ARID2: variants seen among roughly 807,000 people sequenced by gnomAD.
ARID2 encodes AT-rich interaction domain 2.
ARID2 carries 32 observed loss-of-function variants against 184.6 expected under a neutral mutation model. The ratio of observed to expected loss-of-function variants is 0.17; its 90% CI spans 0.13 to 0.23. ARID2 has a LOEUF of 0.23. ARID2 is among the 10% of genes least tolerant of loss of function. The pLI, the probability that ARID2 is intolerant of heterozygous loss-of-function variation, is 1.00. For missense variants in ARID2, 1,696 were observed against 2,197.6 expected (o/e 0.77, Z 4.56); for synonymous variants, 836 against 772.6 (o/e 1.08, Z -1.36).
chr12:45,756,357 C>T (rs1052890428), intron 3 of ARID2, among the ~76,000 whole-genome samples: 1 of 152,126 alleles, frequency 6.6e-6, no homozygotes, highest in Non-Finnish European at 1.5e-5. Flanking sequence ...TATTAAAATT[C>T]TTCTGGAAGG....
chr12:45,763,356 G>T (rs903210838), intron 3 of ARID2, among the ~76,000 whole-genome samples: 26 of 152,032 alleles, frequency 1.7e-4, no homozygotes, highest in African/African-American at 6.3e-4. Flanking sequence ...TGTAATCCCA[G>T]CTACCGGGGA....
intron 3 of ARID2, among the ~76,000 whole-genome samples, chr12:45,801,402 A>G (rs896882194): frequency 1.3e-5 from 2 of 152,220 alleles, no homozygotes; most frequent in South Asian, 2.1e-4. Context: ...TAGCAGGTAC[A>G]AGGTTGAAAA....
chr12:45,793,857 AT>A (rs1359144131), intron 3 of ARID2, among the ~76,000 whole-genome samples: 1 of 151,304 alleles, frequency 6.6e-6, no homozygotes, highest in Non-Finnish European at 1.5e-5. Context: ...TTTTTAGGAA[AT>A]ATTTTTATTT....
intron 3 of ARID2, among the ~76,000 whole-genome samples, chr12:45,806,550 C>T (rs1942604914): frequency 6.6e-6 from 1 of 151,984 alleles, no homozygotes; most frequent in African/African-American, 2.4e-5. Context: ...CACTTATTTC[C>T]ATTAGTTTAT....
At chr12:45,867,869 G>A (rs1162127529) in intron 16 of ARID2, among the ~76,000 whole-genome samples, 1 of 151,570 alleles carries the variant, frequency 6.6e-6, no homozygotes, top group East Asian at 2.0e-4. Flanking sequence ...GGGATTACAG[G>A]CATGAGCCAC....
intron 16 of ARID2, among the ~76,000 whole-genome samples, chr12:45,870,064 C>G (rs932062228): frequency 3.3e-5 from 5 of 152,010 alleles, no homozygotes; most frequent in South Asian, 2.1e-4. Context: ...CGGCTCACTG[C>G]AAGCTCCGCC....
intron 12 of ARID2, among the ~76,000 whole-genome samples, chr12:45,847,333 G>A (rs759841131): frequency 1.3e-5 from 2 of 151,986 alleles, no homozygotes; most frequent in Non-Finnish European, 2.9e-5. Context: ...AAAAGCAGGT[G>A]TTTTAAAATG....
Position 45,861,176 on chromosome 12 carries a change from C to T in ARID2, c.4922+227C>T, listed in dbSNP as rs74519194. ...GCTTAATGGTACGTTGTAGAGAATA[C>T]GGTTCAATATTTGTTTTCAGTAAAG... On this transcript the variant is annotated intron_variant, in intron 16 of 20. Coordinates refer to ENST00000334344, the MANE Select transcript of ARID2 (RefSeq NM_152641.4). 2.7e-3 allele frequency among the ~76,000 whole-genome samples: 418 copies of T among 152,152 alleles called. 3 individuals are homozygous for T. The highest frequency in any genetic ancestry group is 9.3e-3 in the African/African-American group (388 of 41,498).
chr12:45,879,236 G>T (rs1237207483), intron 16 of ARID2, among the ~76,000 whole-genome samples: 2 of 152,066 alleles, frequency 1.3e-5, no homozygotes, highest in Non-Finnish European at 2.9e-5. Flanking sequence ...GTCTAGAGAG[G>T]GCCCGTGTTT....
intron 6 of ARID2, among the ~76,000 whole-genome samples, chr12:45,826,263 G>A (rs777475965): frequency 9.2e-5 from 14 of 151,960 alleles, no homozygotes; most frequent in Admixed American, 6.6e-4. Context: ...CCACTGTAAA[G>A]TATTTCAACA....
chr12:45,806,197 T>C (rs1196796355), intron 3 of ARID2, among the ~76,000 whole-genome samples: 6 of 152,104 alleles, frequency 3.9e-5, no homozygotes. Context: ...TCAAATGTTC[T>C]GTGTAATTTT....
chr12:45,754,631 T>C (rs916632494), intron 3 of ARID2, among the ~76,000 whole-genome samples: 2 of 152,232 alleles, frequency 1.3e-5, no homozygotes, highest in African/African-American at 4.8e-5. Flanking sequence ...CCTTTTCTTA[T>C]CTCATCAAGC....
intron 20 of ARID2, among the ~76,000 whole-genome samples, chr12:45,894,912 C>T (rs1263316876): frequency 6.6e-6 from 1 of 152,128 alleles, no homozygotes; most frequent in Non-Finnish European, 1.5e-5. Flanking sequence ...ACATTGGGCT[C>T]TCTCAAGTCA....
At chr12:45,873,953 TC>T (rs1294713764) in intron 16 of ARID2, 2 of 152,338 alleles carry the variant, frequency 1.3e-5, no homozygotes, top group African/African-American at 4.8e-5. Context: ...ACTGGACTCT[TC>T]CTTTCACAAA....
intron 3 of ARID2, among the ~76,000 whole-genome samples, chr12:45,798,759 A>C (rs1440828187): frequency 6.6e-6 from 1 of 152,114 alleles, no homozygotes; most frequent in African/African-American, 2.4e-5. Flanking sequence ...CAACGTAGTA[A>C]ATTGTAATGG....
At chr12:45,862,064 G>A (rs1050803142) in intron 16 of ARID2, among the ~76,000 whole-genome samples, 3 of 152,100 alleles carry the variant, frequency 2.0e-5, no homozygotes, top group African/African-American at 7.2e-5. Flanking sequence ...ATGGCTACCT[G>A]TGTAGCCTAG....
intron 6 of ARID2, among the ~76,000 whole-genome samples, chr12:45,826,003 TTTTTC>T (rs1942992500): frequency 1.3e-5 from 2 of 152,132 alleles, no homozygotes; most frequent in African/African-American, 2.4e-5. Flanking sequence ...CACTAGGGCA[TTTTTC>T]TTTTATAATG....
chr12:45,889,043 A>G (rs1299864553), intron 16 of ARID2, among the ~76,000 whole-genome samples: 1 of 152,136 alleles, frequency 6.6e-6, no homozygotes, highest in Non-Finnish European at 1.5e-5. Flanking sequence ...TACAAAAATT[A>G]GGCATTGTGG....
chr12:45,881,088 C>A, intron 16 of ARID2: 1 of 160,708 alleles, frequency 6.2e-6, no homozygotes. Flanking sequence ...TATTTGCTGC[C>A]TTCTTGCTGA....
Sources: allele counts gnomAD v4.1 joint callset (sites outside exome capture counted in the v4.1 genomes callset), GRCh38; gene constraint gnomAD v4.1.1; transcripts MANE v1.5; gene names NCBI Gene and HGNC (gene_info 2026-07-23, HGNC 2026-07-21).